The following NDUFA7 variants were observed in gnomAD, a reference collection of about 807,000 sequenced individuals.
NDUFA7 encodes NADH:ubiquinone oxidoreductase subunit A7, also known as NADH dehydrogenase [ubiquinone] 1 alpha subcomplex subunit 7.
A neutral mutation model predicts 14.2 loss-of-function variants in NDUFA7; 18 were observed. The observed-to-expected ratio is 1.27, with a 90% confidence interval of 0.88 to 1.88. The LOEUF is 1.88. Ranked by LOEUF, NDUFA7 falls within the 40% of genes most tolerant of loss-of-function variation. NDUFA7 has a pLI of 0.00. For synonymous variants in NDUFA7, 75 were observed against 62.1 expected, an observed-to-expected ratio of 1.21 and a Z score of -0.98; for missense variants, 172 against 147.3, an observed-to-expected ratio of 1.17 and a Z score of -0.87.
At chr19:8,317,234 G>T (rs570825953) in intron 2 of NDUFA7, among the ~76,000 whole-genome samples, 1 of 152,230 alleles carries the variant, frequency 6.6e-6, no homozygotes, top group South Asian at 2.1e-4. Flanking sequence ...ACTAAACCCT[G>T]GGCTGGATTT....
intron 2 of NDUFA7, among the ~76,000 whole-genome samples, chr19:8,320,207 G>T (rs780011938): frequency 6.6e-6 from 1 of 152,122 alleles, no homozygotes; most frequent in African/African-American, 2.4e-5. Flanking sequence ...TCATTCAGGG[G>T]ACTCAACTGT....
intron 2 of NDUFA7, among the ~76,000 whole-genome samples, chr19:8,319,009 G>C (rs1307486771): frequency 1.3e-5 from 2 of 149,636 alleles, no homozygotes; most frequent in Non-Finnish European, 3.0e-5. Flanking sequence ...ACATCCAGAT[G>C]AATCACTAGA....
intron 3 of NDUFA7, among the ~76,000 whole-genome samples, chr19:8,312,523 C>T (rs1970190326): frequency 6.6e-6 from 1 of 152,228 alleles, no homozygotes; most frequent in Admixed American, 6.5e-5. Context: ...CTCTGTCACC[C>T]AGGCTGGTGT....
At chr19:8,310,706 C>T (rs932476805), downstream of NDUFA7, 9 of 152,316 alleles carry the variant, frequency 5.9e-5, no homozygotes, top group African/African-American at 1.9e-4. Flanking sequence ...TCAGCACTGA[C>T]TTCACCCCAA....
At chr19:8,321,150 G>A in intron 1 of NDUFA7, 158 bp downstream of exon 1, 2 of 1,020,352 alleles carry the variant, frequency 2.0e-6, no homozygotes, top group Non-Finnish European at 2.8e-6. Flanking sequence ...CAGGCCAGGA[G>A]AGGGTCCCGG....
chr19:8,320,180 T>G (rs188151639), intron 2 of NDUFA7, among the ~76,000 whole-genome samples: 5 of 152,178 alleles, frequency 3.3e-5, no homozygotes, highest in Non-Finnish European at 7.3e-5. Context: ...AATTATTCTT[T>G]GAATGGGTCC....
chr19:8,309,297 A>G (rs962259020), downstream of NDUFA7, among the ~76,000 whole-genome samples: 1 of 151,260 alleles, frequency 6.6e-6, no homozygotes, highest in Non-Finnish European at 1.5e-5. Context: ...ACATAGTAAA[A>G]CTCCCGTCTC....
At chr19:8,311,034 C>A (rs1335520889), downstream of NDUFA7, among the ~76,000 whole-genome samples, 1 of 152,074 alleles carries the variant, frequency 6.6e-6, no homozygotes, top group Non-Finnish European at 1.5e-5. Flanking sequence ...AGATTTCTAT[C>A]TCCTCCCCAG....
intron 2 of NDUFA7, 92 bp from the exon 3 acceptor site, chr19:8,316,737 G>A: frequency 6.8e-7 from 1 of 1,479,218 alleles, no homozygotes. Context: ...CAAAATGTGG[G>A]ATCTACAGCC....
rs1009751185 is a variant in NDUFA7 at position 8,313,406 on chromosome 19, A to C, written c.252-1811T>G. Among the ~76,000 whole-genome samples the C allele has an allele frequency of 3.3e-5, 5 of 151,550 alleles. No homozygotes were observed. In the East Asian group the frequency reaches 9.9e-4, roughly 30 times the overall value. On this transcript the variant is annotated intron_variant, in intron 3 of 3. Transcript: ENST00000301457. Reference sequence around the variant, plus strand: ...CCACCACACCTGGCTAATTTTTTGTATTTTTAGTACAGACAGGGTTTCAAC... The same window carrying C: ...CCACCACACCTGGCTAATTTTTTGTCTTTTTAGTACAGACAGGGTTTCAAC...
intron 3 of NDUFA7, 60 bp downstream of exon 3, chr19:8,316,436 A>T: frequency 1.3e-6 from 2 of 1,591,786 alleles, no homozygotes; most frequent in Non-Finnish European, 1.7e-6. Flanking sequence ...AAGTTGGGAG[A>T]CAGAGTGGGT....
intron 3 of NDUFA7, among the ~76,000 whole-genome samples, chr19:8,312,840 T>C (rs1191958971): frequency 6.6e-6 from 1 of 152,112 alleles, no homozygotes; most frequent in Non-Finnish European, 1.5e-5. Context: ...AATTTTTGTA[T>C]TTTTTGTAGA....
chr19:8,314,091 G>A (rs1970207525), intron 3 of NDUFA7, among the ~76,000 whole-genome samples: 1 of 152,132 alleles, frequency 6.6e-6, no homozygotes, highest in African/African-American at 2.4e-5. Context: ...GGAGGCCGAG[G>A]CCAGAGGATC....
Position 8,321,329 on chromosome 19 carries a change from C to T in NDUFA7, c.30G>A (p.Arg10=), listed in dbSNP as rs759185546. The change falls in exon 1 of 4, where the codon CGG becomes CGA. Residue 10 remains arginine (R), a synonymous_variant. Coordinates refer to ENST00000301457, the MANE Select transcript of NDUFA7 (RefSeq NM_005001.5). The stretch of plus-strand genomic sequence containing the variant: ...GCACCCCGGACGCCCAGTTCCGCAG[C>T]CGCTGGATGAGACGGGTGGCGGACG... The part of the protein sequence containing the change: MASATRLIQ[R]LRNWASGHDL... 1 of 1,580,230 alleles carries T rather than the reference C, an allele frequency of 6.3e-7. No individual in the cohort carries two copies. Among genetic ancestry groups the T allele is most frequent in the Non-Finnish European group, 8.6e-7 (1 of 1,165,826 alleles).
chr19:8,316,350 A>T, intron 3 of NDUFA7, 146 bp downstream of exon 3: 1 of 1,236,026 alleles, frequency 8.1e-7, no homozygotes, highest in Non-Finnish European at 1.1e-6. Flanking sequence ...GAGCTCTCGG[A>T]CAAAAAGCTC....
intron 1 of NDUFA7, 59 bp downstream of exon 1, chr19:8,321,249 G>A: frequency 6.8e-7 from 1 of 1,480,164 alleles, no homozygotes; most frequent in South Asian, 1.3e-5. Flanking sequence ...AGCAGGAGCG[G>A]GTCCCGGACA....
chr19:8,318,641 G>A (rs1209544401), intron 2 of NDUFA7, among the ~76,000 whole-genome samples: 1 of 134,460 alleles, frequency 7.4e-6, no homozygotes, highest in Non-Finnish European at 1.5e-5. Flanking sequence ...ACTCCAGCCT[G>A]GGTCACAGAA....
At chr19:8,313,434 G>A (rs754826265) in intron 3 of NDUFA7, among the ~76,000 whole-genome samples, 4 of 151,200 alleles carry the variant, frequency 2.6e-5, no homozygotes, top group Non-Finnish European at 4.4e-5. Flanking sequence ...GTTTCAACAT[G>A]TTAGCCACGA....
At chr19:8,318,164 T>C (rs890683117) in intron 2 of NDUFA7, among the ~76,000 whole-genome samples, 2 of 152,008 alleles carry the variant, frequency 1.3e-5, no homozygotes, top group Non-Finnish European at 2.9e-5. Context: ...TGTTTGTTTT[T>C]TTTTGAGATG....
Sources: allele counts gnomAD v4.1 joint callset (sites outside exome capture counted in the v4.1 genomes callset), GRCh38; gene constraint gnomAD v4.1.1; transcripts MANE v1.5; gene names NCBI Gene and HGNC (gene_info 2026-07-23, HGNC 2026-07-21).